The following TRPC3 variants were observed in gnomAD, a reference collection of about 807,000 sequenced individuals.
The protein encoded by TRPC3 is short transient receptor potential channel 3.
Under a neutral mutation model 90.9 loss-of-function variants are expected in TRPC3, and 54 were observed. The observed-to-expected ratio is 0.59, with a 90% CI of 0.48 to 0.75. The LOEUF is 0.75. TRPC3 is among the 30% of genes least tolerant of loss of function. The probability of loss-of-function intolerance (pLI) is 0.00; values close to 1 mark genes in which losing one functional copy is unlikely to be tolerated. For missense variants in TRPC3, 918 were observed against 1,194.5 expected (o/e 0.77, Z 3.41); for synonymous variants, 424 against 450.9 (o/e 0.94, Z 0.75).
chr4:121,931,452 T>A (rs558333858), intron 2 of TRPC3, among the ~76,000 whole-genome samples: 3 of 152,008 alleles, frequency 2.0e-5, no homozygotes, highest in African/African-American at 7.3e-5. Context: ...TAGGAGGAGG[T>A]AGCAACTGAT....
At chr4:121,880,870 T>C (rs941382389) in intron 11 of TRPC3, among the ~76,000 whole-genome samples, 3 of 152,140 alleles carry the variant, frequency 2.0e-5, no homozygotes, top group African/African-American at 7.2e-5. Context: ...TTCAATATTC[T>C]TCTATTATAT....
intron 8 of TRPC3, among the ~76,000 whole-genome samples, chr4:121,903,891 C>A (rs569122820): frequency 6.6e-6 from 1 of 152,182 alleles, no homozygotes; most frequent in Admixed American, 6.5e-5. Context: ...CCAAACCCAG[C>A]CCAATCCAAA....
chr4:121,925,133 T>C lies in TRPC3; in HGVS notation c.1061A>G (p.Glu354Gly). Residue 354 changes from glutamate to glycine, a missense_variant, in exon 3 of 12, where the codon GAA becomes GGA. By Grantham distance (98) the Glu-to-Gly change is moderately conservative. Transcript: ENST00000379645. The part of the protein sequence containing the change: ...VGVLDLCRDS[E>G]EVEAILNGDL... ...TCCATTCAGAATGGCTTCTACCTCT[T>C]CTGAGTCTCGGCAGAGATCCAGCAC... 6.2e-7 allele frequency: 1 copy of C among 1,614,160 alleles called. No individual in the cohort carries two copies. Among genetic ancestry groups the C allele is most frequent in the East Asian group, 2.2e-5 (1 of 44,880 alleles).
At chr4:121,914,693 G>T (rs771034934) in intron 4 of TRPC3, 87 bp downstream of exon 4, 10 of 1,341,724 alleles carry the variant, frequency 7.5e-6, no homozygotes, top group African/African-American at 1.4e-5. Context: ...AAACTGATAA[G>T]ATTCTTAAGC....
intron 2 of TRPC3, among the ~76,000 whole-genome samples, chr4:121,927,248 T>G (rs1416602987): frequency 2.6e-5 from 4 of 152,244 alleles, no homozygotes; most frequent in Non-Finnish European, 5.9e-5. Flanking sequence ...TGCCATGGAC[T>G]GCCATAAGGA....
intron 7 of TRPC3, among the ~76,000 whole-genome samples, chr4:121,905,137 T>G (rs914897051): frequency 6.6e-6 from 1 of 151,902 alleles, no homozygotes; most frequent in African/African-American, 2.4e-5. Context: ...AAATAAGATA[T>G]AGCAAGTGTG....
At chr4:121,906,403 T>C (rs953389942) in intron 7 of TRPC3, among the ~76,000 whole-genome samples, 1 of 152,190 alleles carries the variant, frequency 6.6e-6, no homozygotes, top group African/African-American at 2.4e-5. Flanking sequence ...GTACAAGATC[T>C]CTTTGTAATT....
At position 121,879,762 on chromosome 4, in the gene TRPC3, T is replaced by A. The variant is rs1727878083; in HGVS notation, c.2740A>T (p.Asn914Tyr). Residue 914 changes from asparagine (N) to tyrosine (Y), a missense_variant, in exon 12 of 12, where the codon AAT becomes TAT. Physicochemically the swap from Asn to Tyr is moderately radical, Grantham distance 143 (BLOSUM62 -2). Transcript: ENST00000379645. ...ILIHKLSEKLNPSMLRCE is the reference protein window; with the variant it reads ...ILIHKLSEKLYPSMLRCE ...CATTCACATCTCAGCATGCTGGGAT[T>A]CAGTTTCTCACTAAGTTTATGAATT... The A allele has an allele frequency of 6.2e-7, 1 of 1,610,270 alleles. No individual in the cohort carries two copies. The highest frequency in any genetic ancestry group is 8.5e-7 in the Non-Finnish European group (1 of 1,178,694).
At chr4:121,927,077 G>A (rs968799843) in intron 2 of TRPC3, among the ~76,000 whole-genome samples, 2 of 152,162 alleles carry the variant, frequency 1.3e-5, no homozygotes, top group Non-Finnish European at 2.9e-5. Flanking sequence ...ATATTACTGT[G>A]CCCTGCAGAA....
chr4:121,921,653 CA>C (rs1245941028), intron 3 of TRPC3, among the ~76,000 whole-genome samples: 2 of 150,734 alleles, frequency 1.3e-5, no homozygotes, highest in Admixed American at 6.6e-5. Context: ...ATTATGTTAT[CA>C]GGGGGTGGGG....
At position 121,951,859 on chromosome 4, in the gene TRPC3, C is replaced by G. The variant is rs894399957; in HGVS notation, c.-179G>C. The G allele has an allele frequency of 2.3e-6, 1 of 431,206 alleles. No individual in the cohort carries two copies. Among genetic ancestry groups the G allele is most frequent in the Non-Finnish European group, 3.9e-6 (1 of 257,424 alleles). The allele number at this position is 431,206 out of a possible 1,614,324, so 26.7% of individuals were successfully genotyped here. A position where few individuals can be genotyped will look rare whatever the true frequency, so the allele number is the denominator to read the frequency against. ...CGGCCCGCGATCCAGCAGTTAGAGG[C>G]TAGCGCCGAAGCCGAGCTGCCGCCG... On this transcript the variant is annotated 5_prime_UTR_variant, in exon 1 of 12. Coordinates refer to ENST00000379645, the MANE Select transcript of TRPC3 (RefSeq NM_001130698.2). The surrounding 1 kb of genome is among the most constrained non-coding windows in gnomAD (Gnocchi z 4.4).
intron 8 of TRPC3, among the ~76,000 whole-genome samples, chr4:121,903,690 C>G (rs574022648): frequency 6.6e-6 from 1 of 152,252 alleles, no homozygotes; most frequent in African/African-American, 2.4e-5. Context: ...GAGGAGGAAG[C>G]TGGCTCTCTC....
chr4:121,940,223 T>TC (rs1370732940), intron 1 of TRPC3, among the ~76,000 whole-genome samples: 1 of 152,206 alleles, frequency 6.6e-6, no homozygotes, highest in Non-Finnish European at 1.5e-5. Context: ...AAGCCTTCCC[T>TC]CCTTGTCAAT....
rs539350919 is a variant in TRPC3, at chr4:121,913,350, C to A, written c.1342-1257G>T. Among the ~76,000 whole-genome samples the A allele has an allele frequency of 1.6e-4, 25 of 152,286 alleles. No homozygotes were observed. In the South Asian group the frequency reaches 3.7e-3, roughly 23 times the overall value. ...CAGAATGCCAATCTCAAAAATGGGA[C>A]ATACATGGAAAATTCTTGCTATGTT... On this transcript the variant is annotated intron_variant, in intron 4 of 11. Coordinates refer to ENST00000379645, the MANE Select transcript of TRPC3 (RefSeq NM_001130698.2).
intron 10 of TRPC3, among the ~76,000 whole-genome samples, chr4:121,895,048 C>T (rs1462491340): frequency 1.3e-5 from 2 of 152,078 alleles, no homozygotes; most frequent in East Asian, 3.9e-4. Flanking sequence ...AATTAAACAA[C>T]ATATTCCTGA....
intron 8 of TRPC3, 68 bp downstream of exon 8, chr4:121,904,254 C>T (rs1219381782): frequency 7.0e-7 from 1 of 1,419,314 alleles, no homozygotes; most frequent in East Asian, 2.4e-5. Flanking sequence ...CCACAGGGTA[C>T]AGAAGCAGAT....
intron 10 of TRPC3, among the ~76,000 whole-genome samples, chr4:121,893,167 G>A (rs1309494459): frequency 6.6e-6 from 1 of 150,714 alleles, no homozygotes; most frequent in East Asian, 1.9e-4. Flanking sequence ...AGGAAATTCT[G>A]TAAAATAAAA....
intron 10 of TRPC3, among the ~76,000 whole-genome samples, chr4:121,896,600 C>T (rs964459373): frequency 9.2e-5 from 14 of 152,000 alleles, no homozygotes; most frequent in African/African-American, 3.4e-4. Flanking sequence ...GATGAAAGAC[C>T]TCTTCAAGGA....
chr4:121,944,351 G>A (rs1730418856), intron 1 of TRPC3, among the ~76,000 whole-genome samples: 2 of 134,634 alleles, frequency 1.5e-5, no homozygotes, highest in Non-Finnish European at 3.1e-5. Context: ...CAGCAACTCC[G>A]TAAAGTTTTC....
Sources: allele counts gnomAD v4.1 joint callset (sites outside exome capture counted in the v4.1 genomes callset), GRCh38; gene constraint gnomAD v4.1.1; non-coding constraint Gnocchi (gnomAD v3.1); transcripts MANE v1.5; gene names NCBI Gene and HGNC (gene_info 2026-07-23, HGNC 2026-07-21).